NFAT5: variants seen among roughly 807,000 people sequenced by gnomAD.
The protein encoded by NFAT5 is nuclear factor of activated T cells 5, also known as nuclear factor of activated T-cells 5.
In NFAT5, 31 loss-of-function variants were observed where a neutral mutation model predicts 166.5. The observed-to-expected ratio is 0.19, with a 90% CI of 0.14 to 0.25. NFAT5 has a LOEUF of 0.25. NFAT5 is among the 10% of genes least tolerant of loss of function. NFAT5 has a pLI of 1.00. For missense variants in NFAT5, 1,449 were observed against 1,821.8 expected, an observed-to-expected ratio of 0.80 and a Z score of 3.72; for synonymous variants, 612 against 639.7, an observed-to-expected ratio of 0.96 and a Z score of 0.65.
At chr16:69,639,294 CA>C (rs1443730182) in intron 3 of NFAT5, among the ~76,000 whole-genome samples, 1 of 152,054 alleles carries the variant, frequency 6.6e-6, no homozygotes, top group East Asian at 1.9e-4. Flanking sequence ...TTGGATAGAA[CA>C]AAAAATACAT....
At chr16:69,624,863 A>T (rs2034376253) in intron 2 of NFAT5, among the ~76,000 whole-genome samples, 5 of 151,956 alleles carry the variant, frequency 3.3e-5, no homozygotes, top group Admixed American at 3.3e-4. Context: ...GTTATTTTGA[A>T]AATAAGTATA....
At chr16:69,580,490 C>T (rs1398648588) in intron 2 of NFAT5, among the ~76,000 whole-genome samples, 1 of 150,184 alleles carries the variant, frequency 6.7e-6, no homozygotes, top group Non-Finnish European at 1.5e-5. Flanking sequence ...AGGCTCTTGC[C>T]AGTGCACTCT....
intron 7 of NFAT5, among the ~76,000 whole-genome samples, chr16:69,667,147 G>A (rs2036419518): frequency 7.8e-6 from 1 of 128,108 alleles, no homozygotes; most frequent in South Asian, 2.5e-4. Context: ...ACAGGAAGGG[G>A]AACATCACAC....
chr16:69,653,575 A>ATTT (rs61344735), intron 5 of NFAT5, 147 bp downstream of exon 5: 72 of 355,068 alleles, frequency 2.0e-4, no homozygotes, highest in Middle Eastern at 8.0e-4. Flanking sequence ...TTTAGAAAGA[A>ATTT]TTTTTTTTTT....
Position 69,626,414 on chromosome 16 carries a change from G to T in NFAT5, c.139G>T (p.Asp47Tyr). ...TCCCCTCCCCACAGAATCTGTCTAT[G>T]ATCTTCTCCCAAAGGAGTTACAGTT... is the stretch of plus-strand genomic sequence containing the variant. ...RAGLLEESVY[D>Y]LLPKELQLPP... The change falls in exon 3 of 15, where the codon GAT becomes TAT. Residue 47 changes from aspartate to tyrosine, a missense_variant. This residue lies in a region of NFAT5 where 172 missense variants were observed against 194.5 expected (regional missense o/e 0.88). Transcript: ENST00000349945. The T allele has an allele frequency of 6.4e-7, 1 of 1,573,310 alleles. No individual in the cohort carries two copies. The highest frequency in any genetic ancestry group is 1.2e-5 in the South Asian group (1 of 84,146).
chr16:69,653,134 CTAT>C, intron 4 of NFAT5, 99 bp from the exon 5 acceptor site: 1 of 695,812 alleles, frequency 1.4e-6, no homozygotes, highest in East Asian at 3.3e-5. Context: ...GTTGTTTTTA[CTAT>C]TATTGCCAGT....
chr16:69,598,630 G>A (rs1308503754), intron 2 of NFAT5, among the ~76,000 whole-genome samples: 1 of 152,128 alleles, frequency 6.6e-6, no homozygotes, highest in Non-Finnish European at 1.5e-5. Flanking sequence ...CAAGCACTAA[G>A]CTATATGCTG....
At chr16:69,586,760 T>C (rs2032094134) in intron 2 of NFAT5, among the ~76,000 whole-genome samples, 1 of 152,216 alleles carries the variant, frequency 6.6e-6, no homozygotes, top group Admixed American at 6.5e-5. Context: ...TGTTGATTTC[T>C]GGAAAGCAAA....
At position 69,636,769 on chromosome 16, in the gene NFAT5, G is replaced by C. The variant is rs540284884; in HGVS notation, c.253+10241G>C. On this transcript the variant is annotated intron_variant, in intron 3 of 14. Transcript: ENST00000349945. ...GACCCTGGGCCCAGCACACAAAACC[G>C]CTTTTTCCTCCTGGGCCTCTGGGCC... Among the ~76,000 whole-genome samples the C allele has an allele frequency of 4.8e-4, 73 of 152,238 alleles. 1 individual carries two copies. The South Asian group carries it at 0.015, about 32-fold the overall frequency.
In NFAT5 at chr16:69,568,534, C is replaced by T; in HGVS notation, c.113C>T (p.Ala38Val). ...KLHPSQNFHR[A>V]GLLEESVYDL... Reference sequence around the variant, plus strand: ...CACCCATCACAGAATTTTCATAGAGCTGGACTATTGGAAGGTCAGCAAAGT... The same window carrying T: ...CACCCATCACAGAATTTTCATAGAGTTGGACTATTGGAAGGTCAGCAAAGT... The change falls in exon 2 of 15, where the codon GCT (alanine) becomes GTT (valine). Residue 38 changes from alanine (A) to valine (V), a missense_variant. Ala to Val is a moderately conservative substitution (Grantham distance 64). Around this residue, in one of 7 missense-constraint regions of NFAT5, gnomAD observed 172 missense variants for 194.5 expected, o/e 0.88. Coordinates refer to ENST00000349945, the MANE Select transcript of NFAT5 (RefSeq NM_138713.4). 1 of 1,612,910 alleles carries T rather than the reference C, an allele frequency of 6.2e-7. No homozygotes were observed. The highest frequency in any genetic ancestry group is 8.5e-7 in the Non-Finnish European group (1 of 1,179,404).
chr16:69,603,012 A>T (rs2033219830), intron 2 of NFAT5, among the ~76,000 whole-genome samples: 1 of 152,116 alleles, frequency 6.6e-6, no homozygotes, highest in Non-Finnish European at 1.5e-5. Flanking sequence ...TGTTACATGT[A>T]TTCAAAGAAT....
At chr16:69,621,362 A>G in intron 2 of NFAT5, among the ~76,000 whole-genome samples, 1 of 152,156 alleles carries the variant, frequency 6.6e-6, no homozygotes, top group East Asian at 1.9e-4. Flanking sequence ...TTGTGTAACC[A>G]TTGCCATTTT....
At chr16:69,682,613 T>G (rs2037117938) in intron 10 of NFAT5, among the ~76,000 whole-genome samples, 1 of 152,096 alleles carries the variant, frequency 6.6e-6, no homozygotes, top group African/African-American at 2.4e-5. Context: ...AGCAAGACCC[T>G]GTCTCAAAAA....
chr16:69,647,384 A>G lies in NFAT5; in HGVS notation c.610A>G (p.Met204Val), dbSNP rs752063700. Residue 204 changes from methionine to valine, a missense_variant, in exon 4 of 15, where the codon ATG (methionine) becomes GTG (valine). By Grantham distance (21) the Met-to-Val change is conservative. Around this residue, in one of 7 missense-constraint regions of NFAT5, gnomAD observed 115 missense variants for 177.1 expected, o/e 0.65. Transcript: ENST00000349945. This position sits in a 1 kb window ranked among gnomAD's most constrained non-coding sequence, Gnocchi z 4.8. ...MEDSPSNFSN[M>V]STSSYNDNTE... ...GGATTCCCCCTCCAACTTCAGTAAC[A>G]TGAGCACCAGTTCCTACAATGATAA... 19 of 1,614,208 alleles carry G rather than the reference A, an allele frequency of 1.2e-5. No individual in the cohort carries two copies. The Middle Eastern group carries it at 4.9e-4, about 42-fold the overall frequency.
chr16:69,570,106 TACAG>T (rs141370674), intron 2 of NFAT5, among the ~76,000 whole-genome samples: 4,707 of 152,230 alleles, frequency 0.031, 143 homozygotes, highest in East Asian at 0.15. Flanking sequence ...CTGATGGAAA[TACAG>T]ACAACCATTT....
At position 69,690,927 on chromosome 16, in the gene NFAT5, T is replaced by G; in HGVS notation, c.1775-13T>G. 1 of 1,474,114 alleles carries G rather than the reference T, an allele frequency of 6.8e-7. No homozygotes were observed. The highest frequency in any genetic ancestry group is 9.0e-7 in the Non-Finnish European group (1 of 1,108,632). The allele number at this position is 1,474,114 out of a possible 1,614,324, so 91.3% of individuals were successfully genotyped here. On this transcript the variant is annotated splice_polypyrimidine_tract_variant and intron_variant, in intron 11 of 14. Coordinates refer to ENST00000349945, the MANE Select transcript of NFAT5 (RefSeq NM_138713.4). ...GATTTTAAACTTTTCTTTTTGTGTG[T>G]GTGTATATGCAGCAATGAAAACTAC... is the stretch of plus-strand genomic sequence containing the variant.
intron 11 of NFAT5, among the ~76,000 whole-genome samples, chr16:69,686,970 G>A (rs779740933): frequency 7.9e-5 from 12 of 152,134 alleles, no homozygotes; most frequent in African/African-American, 1.2e-4. Context: ...TGTTCTTAGA[G>A]CAAATTAATT....
At chr16:69,576,414 C>T (rs1432923218) in intron 2 of NFAT5, among the ~76,000 whole-genome samples, 1 of 151,932 alleles carries the variant, frequency 6.6e-6, no homozygotes, top group Non-Finnish European at 1.5e-5. Context: ...TACTAAGCAG[C>T]TTCCATAAAG....
At chr16:69,682,435 C>G (rs12595927) in intron 10 of NFAT5, among the ~76,000 whole-genome samples, 35,059 of 148,276 alleles carry the variant, frequency 0.24, 4,428 homozygotes, top group East Asian at 0.45. Flanking sequence ...TAGTGAGACC[C>G]CCCCCCCCGC....
Sources: gnomAD v4.1 joint callset for allele counts (sites outside exome capture counted in the v4.1 genomes callset) on GRCh38, gnomAD v4.1.1 for gene constraint, gnomAD v4.1.1 regional missense constraint, Gnocchi (gnomAD v3.1) non-coding constraint, MANE v1.5 for transcripts, NCBI Gene and HGNC (gene_info 2026-07-23, HGNC 2026-07-21) for gene names.